Variants in UVRAG observed in about 807,000 individuals in gnomAD.
The protein encoded by UVRAG is UV radiation resistance-associated gene protein.
A neutral mutation model predicts 78.0 loss-of-function variants in UVRAG; 19 were observed. The observed-to-expected ratio is 0.24, with a 90% confidence interval of 0.17 to 0.36. The LOEUF (loss-of-function observed/expected upper bound fraction) is 0.36. UVRAG is among the 10% of genes least tolerant of loss of function. The pLI, the probability that UVRAG is intolerant of heterozygous loss-of-function variation, is 1.00. For synonymous variants in UVRAG, 323 were observed against 324.6 expected, an observed-to-expected ratio of 1.00 and a Z score of 0.05; for missense variants, 740 against 853.8, an observed-to-expected ratio of 0.87 and a Z score of 1.66.
chr11:75,950,962 G>GCACA (rs1565395206), intron 6 of UVRAG, among the ~76,000 whole-genome samples: 42 of 125,974 alleles, frequency 3.3e-4, no homozygotes, highest in African/African-American at 1.6e-3. Flanking sequence ...TTTGTCAGGT[G>GCACA]TACACACACA....
intron 1 of UVRAG, among the ~76,000 whole-genome samples, chr11:75,833,515 T>C (rs1945709416): frequency 6.6e-6 from 1 of 152,146 alleles, no homozygotes; most frequent in South Asian, 2.1e-4. Flanking sequence ...ATCCATAGCA[T>C]AGTTATCTGC....
intron 6 of UVRAG, among the ~76,000 whole-genome samples, chr11:75,948,772 A>G (rs1003556574): frequency 4.6e-5 from 7 of 152,274 alleles, no homozygotes; most frequent in East Asian, 3.9e-4. Flanking sequence ...CACACTAGCT[A>G]TTAGAGGGCC....
intron 6 of UVRAG, among the ~76,000 whole-genome samples, chr11:75,957,882 CCA>C (rs1350448419): frequency 2.0e-5 from 3 of 152,036 alleles, no homozygotes; most frequent in Admixed American, 6.6e-5. Context: ...CCAGGCTACC[CCA>C]ATAAAGCAAA....
chr11:75,918,807 C>T (rs564257659), intron 6 of UVRAG, among the ~76,000 whole-genome samples: 1 of 152,104 alleles, frequency 6.6e-6, no homozygotes, highest in African/African-American at 2.4e-5. Context: ...TTTGTTTTTC[C>T]TAATGGTTTC....
At chr11:76,090,932 C>G (rs1311504962) in intron 13 of UVRAG, among the ~76,000 whole-genome samples, 2 of 152,132 alleles carry the variant, frequency 1.3e-5, no homozygotes, top group Non-Finnish European at 2.9e-5. Context: ...CTAGGGATTT[C>G]CATAATTTCT....
intron 6 of UVRAG, among the ~76,000 whole-genome samples, chr11:75,952,865 C>T (rs554418727): frequency 2.0e-5 from 3 of 152,000 alleles, no homozygotes; most frequent in South Asian, 4.2e-4. Context: ...GGCATTTTAC[C>T]GGTGAAGCTA....
intron 6 of UVRAG, among the ~76,000 whole-genome samples, chr11:75,941,880 G>T (rs1325501000): frequency 1.3e-5 from 2 of 152,038 alleles, no homozygotes; most frequent in African/African-American, 4.8e-5. Context: ...TGAAAGTACA[G>T]AATCCTGGAA....
chr11:75,877,634 C>A (rs1352717917), intron 3 of UVRAG, among the ~76,000 whole-genome samples: 1 of 132,608 alleles, frequency 7.5e-6, no homozygotes, highest in African/African-American at 2.9e-5. Flanking sequence ...CCCTCCCGGA[C>A]GGAGCGGCTG....
At chr11:75,964,277 T>TTTTC (rs1254087762) in intron 7 of UVRAG, among the ~76,000 whole-genome samples, 2 of 152,212 alleles carry the variant, frequency 1.3e-5, no homozygotes, top group Non-Finnish European at 2.9e-5. Context: ...TTGGGAAGTG[T>TTTTC]TTTCTCCCTT....
At chr11:76,014,968 CTAGT>C (rs1411545841) in intron 11 of UVRAG, among the ~76,000 whole-genome samples, 2 of 152,218 alleles carry the variant, frequency 1.3e-5, no homozygotes, top group South Asian at 2.1e-4. Context: ...AATTAGGATT[CTAGT>C]TAGTTAGAGC....
At chr11:75,914,357 G>A (rs1356462219) in intron 6 of UVRAG, 2 of 152,126 alleles carry the variant, frequency 1.3e-5, no homozygotes, top group East Asian at 1.9e-4. Flanking sequence ...TTCTTTTCCT[G>A]ATGCTTTCTT....
At chr11:76,123,822 G>A (rs1420645535) in intron 14 of UVRAG, among the ~76,000 whole-genome samples, 2 of 152,188 alleles carry the variant, frequency 1.3e-5, no homozygotes, top group Non-Finnish European at 2.9e-5. Flanking sequence ...CTGGAGTGCA[G>A]TGGCTCGATC....
At chr11:75,917,465 G>C (rs1404746237) in intron 6 of UVRAG, among the ~76,000 whole-genome samples, 2 of 152,062 alleles carry the variant, frequency 1.3e-5, no homozygotes, top group Non-Finnish European at 2.9e-5. Context: ...AGCTTACTAG[G>C]ACTCTTCTGT....
chr11:76,050,028 C>A (rs576549717), intron 12 of UVRAG, among the ~76,000 whole-genome samples: 121 of 152,248 alleles, frequency 7.9e-4, no homozygotes, highest in Non-Finnish European at 1.0e-3. Flanking sequence ...AAGTACAATA[C>A]CTGCTGCATA....
chr11:75,989,925 T>C (rs1458540950), intron 8 of UVRAG, among the ~76,000 whole-genome samples: 2 of 152,214 alleles, frequency 1.3e-5, no homozygotes, highest in African/African-American at 4.8e-5. Context: ...CCATTAAATG[T>C]AGTACATGAA....
At chr11:76,137,150 G>A (rs746643971) in intron 14 of UVRAG, 9 of 326,930 alleles carry the variant, frequency 2.8e-5, no homozygotes, top group Admixed American at 1.6e-4. Context: ...CTCCTGGCCC[G>A]CCACGCAAAT....
At chr11:75,938,705 CTCTG>C (rs1360627097) in intron 6 of UVRAG, among the ~76,000 whole-genome samples, 1 of 152,120 alleles carries the variant, frequency 6.6e-6, no homozygotes, top group Non-Finnish European at 1.5e-5. Flanking sequence ...TTTTTGTTTC[CTCTG>C]TCTAATCCTT....
intron 12 of UVRAG, among the ~76,000 whole-genome samples, chr11:76,064,870 G>T (rs927351920): frequency 1.3e-5 from 2 of 152,200 alleles, no homozygotes; most frequent in Admixed American, 1.3e-4. Context: ...AAGTAAGGAA[G>T]ATGAAGTTTT....
At chr11:75,886,283 A>G (rs1947077535) in intron 4 of UVRAG, among the ~76,000 whole-genome samples, 2 of 152,116 alleles carry the variant, frequency 1.3e-5, no homozygotes, top group Non-Finnish European at 2.9e-5. Context: ...GTTTCTCCCC[A>G]TACTCTCCCA....
Sources: gnomAD v4.1 joint callset for allele counts (sites outside exome capture counted in the v4.1 genomes callset) on GRCh38, gnomAD v4.1.1 for gene constraint, MANE v1.5 for transcripts, NCBI Gene and HGNC (gene_info 2026-07-23, HGNC 2026-07-21) for gene names.